The following RAB9A variants were observed in gnomAD, a reference collection of about 807,000 sequenced individuals.
RAB9A encodes RAB9A, member RAS oncogene family, also known as ras-related protein Rab-9A.
Under a neutral mutation model 10.3 loss-of-function variants are expected in RAB9A, and 1 was observed. The observed-to-expected ratio is 0.10, with a 90% confidence interval of 0.03 to 0.46. RAB9A has a LOEUF of 0.46. Among genes scored for constraint, RAB9A ranks in the 20% least tolerant of loss-of-function variants. The pLI is 0.96. For missense variants in RAB9A, 92 were observed against 150.3 expected (o/e 0.61, Z 2.03); for synonymous variants, 39 against 55.2 (o/e 0.71, Z 1.30).
intron 2 of RAB9A, among the ~76,000 whole-genome samples, chrX:13,706,619 G>A (rs1185845401): frequency 5.7e-5 from 6 of 106,150 alleles, no homozygotes; most frequent in Admixed American, 5.1e-4. Context: ...GGCTGGTCTC[G>A]AACTCCTGAC....
At position 13,710,486 on chromosome X, in the gene RAB9A, CT is replaced by C. The variant is rs1202209880; in HGVS notation, c.*1138del. 2 of 122,899 alleles carry C rather than the reference CT, an allele frequency of 1.6e-5. No individual in the cohort carries two copies. Among genetic ancestry groups the C allele is most frequent in the Non-Finnish European group, 3.8e-5 (2 of 53,180 alleles). 10.1% of individuals were successfully genotyped at this position (122,899 alleles called of 1,213,427 possible). ...CAGACTTGATAAAGCAAATTGTGGT[CT>C]TTTGTGGATGAAGTTCATATGCTGT... is the stretch of plus-strand genomic sequence containing the variant. On this transcript the variant is annotated 3_prime_UTR_variant, in exon 3 of 3. Coordinates refer to ENST00000464506, the MANE Select transcript of RAB9A (RefSeq NM_004251.5).
chrX:13,704,641 G>C lies in RAB9A; in HGVS notation c.-27+739G>C, dbSNP rs752026162. On this transcript the variant is annotated intron_variant, in intron 2 of 2. Transcript: ENST00000464506. ...TTCTTTTTTTTTTTTTTTAGATAGA[G>C]TCTAGCTCTGTCCCCCAGGCTAGAG... Among the ~76,000 whole-genome samples the C allele has an allele frequency of 4.0e-5, 4 of 100,760 alleles. No homozygotes were observed. In the South Asian group the frequency reaches 1.9e-3, roughly 47 times the overall value. 87.5% of individuals were successfully genotyped at this position (100,760 alleles called of 115,157 possible). A position where few individuals can be genotyped will look rare whatever the true frequency, so the allele number is the denominator to read the frequency against.
At chrX:13,705,788 A>C (rs2046194584) in intron 2 of RAB9A, among the ~76,000 whole-genome samples, 1 of 59,498 alleles carries the variant, frequency 1.7e-5, no homozygotes, top group Non-Finnish European at 3.4e-5. Context: ...CAGGGTTCCC[A>C]GTGGAGGTGA....
chrX:13,690,183 C>T (rs2046114235), intron 1 of RAB9A, among the ~76,000 whole-genome samples: 2 of 111,881 alleles, frequency 1.8e-5, no homozygotes, highest in African/African-American at 3.2e-5. Flanking sequence ...CCTACATTGC[C>T]TGTACTCTCA....
intron 1 of RAB9A, among the ~76,000 whole-genome samples, chrX:13,691,407 A>G (rs1237599539): frequency 9.0e-6 from 1 of 111,725 alleles, no homozygotes; most frequent in Non-Finnish European, 1.9e-5. Flanking sequence ...CACGCCTGTA[A>G]TCCCAGCACT....
At chrX:13,706,192 A>C (rs1348699406) in intron 2 of RAB9A, among the ~76,000 whole-genome samples, 1 of 112,213 alleles carries the variant, frequency 8.9e-6, no homozygotes, top group East Asian at 2.8e-4. Flanking sequence ...CAGCCAATTT[A>C]GCACATTGTT....
At position 13,705,248 on chromosome X, in the gene RAB9A, C is replaced by T. The variant is rs1018967938; in HGVS notation, c.-27+1346C>T. 1.4e-4 allele frequency among the ~76,000 whole-genome samples: 16 copies of T among 111,813 alleles called. No individual in the cohort carries two copies. The Admixed American group carries it at 1.5e-3, about 11-fold the overall frequency. ...ATGGTGTGTACAATGATTTATATCA[C>T]CATGTGTGTTTTTATACAACTCTAG... is the stretch of plus-strand genomic sequence containing the variant. On this transcript the variant is annotated intron_variant, in intron 2 of 2. Transcript: ENST00000464506.
chrX:13,707,573 C>A lies in RAB9A; in HGVS notation c.-26-1148C>A, dbSNP rs749500195. On this transcript the variant is annotated intron_variant, in intron 2 of 2. Transcript: ENST00000464506. ...AACGGGCATCTGAAATCTCACCCCC[C>A]ACAGGCTGGCTCTTGTAGTGTAGTA... Among the ~76,000 whole-genome samples the A allele has an allele frequency of 6.3e-5, 7 of 111,935 alleles. No individual in the cohort carries two copies. In the South Asian group the frequency reaches 2.6e-3, roughly 42 times the overall value.
chrX:13,708,014 T>C (rs999479419), intron 2 of RAB9A, among the ~76,000 whole-genome samples: 1 of 110,954 alleles, frequency 9.0e-6, no homozygotes, highest in Non-Finnish European at 1.9e-5. Flanking sequence ...TGAAGGGCTG[T>C]TTGAAGTTGT....
chrX:13,689,727 C>A (rs1430866189), intron 1 of RAB9A, among the ~76,000 whole-genome samples: 3 of 111,560 alleles, frequency 2.7e-5, no homozygotes, highest in South Asian at 3.7e-4. Context: ...TTGATTTTGG[C>A]GACCTCTGAA....
chrX:13,702,248 C>G (rs765104280), intron 1 of RAB9A, among the ~76,000 whole-genome samples: 1 of 111,500 alleles, frequency 9.0e-6, no homozygotes, highest in African/African-American at 3.3e-5. Context: ...TTTCTGGTTC[C>G]TGCTCCCTCC....
chrX:13,702,689 C>T (rs1343042547), intron 1 of RAB9A, among the ~76,000 whole-genome samples: 1 of 111,912 alleles, frequency 8.9e-6, no homozygotes, highest in Non-Finnish European at 1.9e-5. Context: ...GTCTCACTCA[C>T]TGAGGGAGAT....
chrX:13,703,340 G>A (rs1337582268), intron 1 of RAB9A, among the ~76,000 whole-genome samples: 4 of 112,223 alleles, frequency 3.6e-5, no homozygotes, highest in Admixed American at 9.4e-5. Flanking sequence ...ATCGTCATGT[G>A]TAATAGGTAC....
chrX:13,691,659 C>CAAA (rs765886332), intron 1 of RAB9A, among the ~76,000 whole-genome samples: 788 of 15,899 alleles, frequency 0.05, 150 homozygotes, highest in Non-Finnish European at 0.071. Context: ...GACTCCATCT[C>CAAA]AAAAAAAAAA....
rs1484371057 is a variant in RAB9A at position 13,708,440 on chromosome X, G to A, written c.-26-281G>A. Among the ~76,000 whole-genome samples, 5 of 111,650 alleles carry A rather than the reference G, an allele frequency of 4.5e-5. No homozygotes were observed. In the East Asian group the frequency reaches 8.4e-4, roughly 19 times the overall value. ...GAGAGGGGCTTATCATAGAGTAACGGTTCAGAGCAAGGGCTTTGGGGTCAG... is the reference window on the plus strand; with the variant it reads ...GAGAGGGGCTTATCATAGAGTAACGATTCAGAGCAAGGGCTTTGGGGTCAG... On this transcript the variant is annotated intron_variant, in intron 2 of 2. Coordinates refer to ENST00000464506, the MANE Select transcript of RAB9A (RefSeq NM_004251.5).
chrX:13,705,613 T>G (rs1456013596), intron 2 of RAB9A, among the ~76,000 whole-genome samples: 1 of 112,305 alleles, frequency 8.9e-6, no homozygotes, highest in Non-Finnish European at 1.9e-5. Flanking sequence ...TAATTTGATA[T>G]AAAGATGCTA....
chrX:13,690,616 A>C (rs975654062), intron 1 of RAB9A, among the ~76,000 whole-genome samples: 3 of 111,492 alleles, frequency 2.7e-5, no homozygotes, highest in Non-Finnish European at 5.7e-5. Flanking sequence ...TTTTGTTTCT[A>C]TCTCAACCAT....
intron 1 of RAB9A, among the ~76,000 whole-genome samples, chrX:13,703,576 G>C (rs1055433579): frequency 7.1e-5 from 8 of 111,997 alleles, no homozygotes; most frequent in Admixed American, 6.6e-4. Context: ...TGAAACCTTT[G>C]GTTCAGACCA....
intron 2 of RAB9A, among the ~76,000 whole-genome samples, chrX:13,707,431 A>G (rs1230389375): frequency 1.8e-5 from 2 of 111,859 alleles, no homozygotes; most frequent in Non-Finnish European, 3.8e-5. Context: ...AGCTCATTGT[A>G]TTGTACTCAT....
Sources: gnomAD v4.1 joint callset for allele counts (sites outside exome capture counted in the v4.1 genomes callset) on GRCh38, gnomAD v4.1.1 for gene constraint, MANE v1.5 for transcripts, NCBI Gene and HGNC (gene_info 2026-07-23, HGNC 2026-07-21) for gene names.